The following PCDHGB2 variants were observed in gnomAD, a reference collection of about 807,000 sequenced individuals.
PCDHGB2 encodes protocadherin gamma-B2.
A neutral mutation model predicts 59.3 loss-of-function variants in PCDHGB2; 55 were observed. The observed-to-expected ratio is 0.93, with a 90% CI of 0.75 to 1.16. PCDHGB2 has a LOEUF of 1.16. PCDHGB2 is among the 50% of genes most tolerant of loss of function. PCDHGB2 has a pLI of 0.00. For missense variants in PCDHGB2, 1,228 were observed against 1,198.5 expected, an observed-to-expected ratio of 1.02 and a Z score of -0.36; for synonymous variants, 516 against 512.0, an observed-to-expected ratio of 1.01 and a Z score of -0.11.
chr5:141,380,538 A>G (rs1365489089), intron 1 of PCDHGB2, among the ~76,000 whole-genome samples: 3 of 152,246 alleles, frequency 2.0e-5, no homozygotes, highest in Non-Finnish European at 4.4e-5. Flanking sequence ...TCAATTTGAT[A>G]CAATGAGCTT....
At chr5:141,382,962 G>C in intron 1 of PCDHGB2, 1 of 1,607,858 alleles carries the variant, frequency 6.2e-7, no homozygotes, top group Admixed American at 1.7e-5. Flanking sequence ...TCCTCCTGGG[G>C]ACCCCCTGGG....
chr5:141,407,985 A>G, intron 1 of PCDHGB2: 1 of 789,616 alleles, frequency 1.3e-6, no homozygotes, highest in Non-Finnish European at 1.9e-6. Flanking sequence ...GGGATCCGTC[A>G]GCCTCTGGCC....
At chr5:141,448,926 C>T (rs528128105) in intron 1 of PCDHGB2, among the ~76,000 whole-genome samples, 5 of 152,256 alleles carry the variant, frequency 3.3e-5, no homozygotes, top group African/African-American at 9.6e-5. Context: ...GCCTGGGCGA[C>T]AGAGCAAGAC....
chr5:141,477,884 G>A lies in PCDHGB2; in HGVS notation c.2422-16923G>A. On this transcript the variant is annotated intron_variant, in intron 1 of 3. Transcript: ENST00000522605. The surrounding 1 kb of genome is among the most constrained non-coding windows in gnomAD (Gnocchi z 4.9). ...TCGAGGTACCTCAGCTGGCCACCTA[G>A]TGTCACGGGTGGTAGGCTGGGACGC... 6.2e-7 allele frequency: 1 copy of A among 1,614,190 alleles called. No homozygotes were observed. The highest frequency in any genetic ancestry group is 8.5e-7 in the Non-Finnish European group (1 of 1,180,036).
At chr5:141,383,719 A>G in intron 1 of PCDHGB2, 1 of 1,613,984 alleles carries the variant, frequency 6.2e-7, no homozygotes, top group Non-Finnish European at 8.5e-7. Flanking sequence ...CGAGGGAGTC[A>G]ATGGGGAAGT....
At chr5:141,375,007 C>A (rs369489853) in intron 1 of PCDHGB2, 1 of 1,614,000 alleles carries the variant, frequency 6.2e-7, no homozygotes, top group East Asian at 2.2e-5. Context: ...CAAATCTAGA[C>A]TATGAGGACT....
intron 1 of PCDHGB2, chr5:141,400,474 G>A: frequency 6.2e-7 from 1 of 1,614,012 alleles, no homozygotes; most frequent in Non-Finnish European, 8.5e-7. Context: ...TTCATCTGGG[G>A]CCTTATTTCC....
chr5:141,385,919 T>C (rs912267518), intron 1 of PCDHGB2: 9 of 152,446 alleles, frequency 5.9e-5, no homozygotes, highest in African/African-American at 1.7e-4. Flanking sequence ...CACTAAGATC[T>C]ATATCAAAGA....
At chr5:141,399,836 T>C (rs2093900703) in intron 1 of PCDHGB2, 2 of 1,613,080 alleles carry the variant, frequency 1.2e-6, no homozygotes, top group East Asian at 2.2e-5. Context: ...GGCTCTGCGC[T>C]CTTCGATATG....
At chr5:141,457,330 A>G (rs2098916985) in intron 1 of PCDHGB2, among the ~76,000 whole-genome samples, 1 of 152,174 alleles carries the variant, frequency 6.6e-6, no homozygotes, top group Non-Finnish European at 1.5e-5. Flanking sequence ...GGTTACAGGT[A>G]CCTTACTTAC....
chr5:141,376,562 C>A, intron 1 of PCDHGB2: 1 of 1,608,850 alleles, frequency 6.2e-7, no homozygotes, highest in Non-Finnish European at 8.5e-7. Context: ...CGCAACCCAA[C>A]TAATCAGACA....
At position 141,505,425 on chromosome 5, in the gene PCDHGB2, C is replaced by G; in HGVS notation, c.2513C>G (p.Pro838Arg). 1 of 1,614,178 alleles carries G rather than the reference C, an allele frequency of 6.2e-7. No individual in the cohort carries two copies. Among genetic ancestry groups the G allele is most frequent in the Non-Finnish European group, 8.5e-7 (1 of 1,180,014 alleles). ...SQNGDDTGTW[P>R]NNQFDTEMLQ... ...AATGGCGATGACACCGGCACCTGGC[C>G]CAACAACCAGTTTGACACAGAGATG... The change falls in exon 3 of 4, where the codon CCC becomes CGC. Residue 838 changes from proline to arginine, a missense_variant. Transcript: ENST00000522605.
intron 1 of PCDHGB2, among the ~76,000 whole-genome samples, chr5:141,379,851 T>G (rs1388767497): frequency 6.7e-6 from 1 of 148,750 alleles, no homozygotes; most frequent in Non-Finnish European, 1.5e-5. Context: ...AACTACCAAA[T>G]TATTGTCTTA....
intron 1 of PCDHGB2, chr5:141,404,724 T>C: frequency 6.2e-7 from 1 of 1,613,942 alleles, no homozygotes; most frequent in Non-Finnish European, 8.5e-7. Context: ...GTGACCAAGG[T>C]GGTGGCAGTG....
At chr5:141,376,447 C>G (rs777597745) in intron 1 of PCDHGB2, 2 of 1,614,182 alleles carry the variant, frequency 1.2e-6, no homozygotes, top group Non-Finnish European at 1.7e-6. Flanking sequence ...ATGAGAAAAG[C>G]GAGCCTCTTC....
intron 1 of PCDHGB2, among the ~76,000 whole-genome samples, chr5:141,436,923 T>C (rs2097854286): frequency 6.6e-6 from 1 of 152,224 alleles, no homozygotes; most frequent in African/African-American, 2.4e-5. Flanking sequence ...GAGTGTTACT[T>C]TTTCTTTGTC....
At chr5:141,478,717 C>T (rs1381812771) in intron 1 of PCDHGB2, 1 of 1,545,032 alleles carries the variant, frequency 6.5e-7, no homozygotes, top group South Asian at 1.2e-5. Context: ...GAGATGGTGG[C>T]CTGCCAGAGT....
At chr5:141,392,833 G>A (rs750632906) in intron 1 of PCDHGB2, 39 of 1,604,260 alleles carry the variant, frequency 2.4e-5, no homozygotes, top group Non-Finnish European at 2.8e-5. Context: ...CCACAGAGTC[G>A]CCCCAGACGC....
chr5:141,422,997 C>G, intron 1 of PCDHGB2: 1 of 1,614,218 alleles, frequency 6.2e-7, no homozygotes, highest in South Asian at 1.1e-5. Flanking sequence ...ACCTGGTGAC[C>G]AAGGTGGTTG....
Sources: allele counts gnomAD v4.1 joint callset (sites outside exome capture counted in the v4.1 genomes callset), GRCh38; gene constraint gnomAD v4.1.1; non-coding constraint Gnocchi (gnomAD v3.1); transcripts MANE v1.5; gene names NCBI Gene and HGNC (gene_info 2026-07-23, HGNC 2026-07-21).